Variants in SARAF observed in about 807,000 individuals in gnomAD.
SARAF encodes the protein store-operated calcium entry associated regulatory factor.
SARAF carries 23 observed loss-of-function variants against 39.7 expected under a neutral mutation model. The observed-to-expected ratio is 0.58, with a 90% CI of 0.42 to 0.82. The LOEUF is 0.82. SARAF is among the 40% of genes least tolerant of loss of function. The pLI is 0.00. For synonymous variants in SARAF, 175 were observed against 168.5 expected, an observed-to-expected ratio of 1.04 and a Z score of -0.30; for missense variants, 384 against 418.5, an observed-to-expected ratio of 0.92 and a Z score of 0.72.
Position 30,066,911 on chromosome 8 carries a change from C to T in SARAF, c.708G>A (p.Gln236=). The change falls in exon 4 of 6, where the codon CAG becomes CAA. Residue 236 remains glutamine (Q), a synonymous_variant. Coordinates refer to ENST00000256255, the MANE Select transcript of SARAF (RefSeq NM_016127.6). ...CAGAAGTTGCACCATGGCCAGTATT[C>T]TGTGGTCCTTAAAATAAAAATGATT... ...PGFKSEFTGP[Q]NTGHGATSGF... 6.2e-7 allele frequency: 1 copy of T among 1,613,822 alleles called. No homozygotes were observed. Among genetic ancestry groups the T allele is most frequent in the South Asian group, 1.1e-5 (1 of 90,972 alleles).
At chr8:30,077,694 C>CG (rs1161107378) in intron 1 of SARAF, among the ~76,000 whole-genome samples, 1 of 151,144 alleles carries the variant, frequency 6.6e-6, no homozygotes, top group African/African-American at 2.4e-5. Flanking sequence ...CCCAGCTACT[C>CG]GGGGGGCTGA....
chr8:30,070,098 A>AT (rs1260931409), intron 2 of SARAF, 39 bp from the exon 3 acceptor site: 3 of 1,531,104 alleles, frequency 2.0e-6, no homozygotes, highest in Middle Eastern at 1.8e-4. Flanking sequence ...AGAAACAAAC[A>AT]TTTTTTTCAT....
chr8:30,063,939 A>T (rs763653732), intron 5 of SARAF, 26 bp from the exon 6 acceptor site: 17 of 1,519,570 alleles, frequency 1.1e-5, no homozygotes, highest in Non-Finnish European at 1.4e-5. Flanking sequence ...TAAAATTTAC[A>T]TTAGTTTTTA....
chr8:30,068,065 A>C (rs7012194), intron 3 of SARAF, among the ~76,000 whole-genome samples: 1 of 152,058 alleles, frequency 6.6e-6, no homozygotes, highest in Non-Finnish European at 1.5e-5. Context: ...TGCATTTCTC[A>C]GGAGACTAAT....
intron 5 of SARAF, among the ~76,000 whole-genome samples, chr8:30,064,873 A>G (rs979590318): frequency 6.6e-6 from 1 of 151,756 alleles, no homozygotes; most frequent in Non-Finnish European, 1.5e-5. Context: ...TTACCTAGTC[A>G]TATTTTTATA....
chr8:30,078,152 A>AAAGAAAGAAAGAAAAAAG, intron 1 of SARAF: 1 of 314,670 alleles, frequency 3.2e-6, no homozygotes, highest in South Asian at 2.2e-5. Context: ...AAAAAAAAAA[A>AAAGAAAGAAAGAAAAAAG]AGAAAGAAAG....
rs774771625 is a variant in SARAF at position 30,069,667 on chromosome 8, G to T, written c.675C>A (p.Pro225=). The change falls in exon 3 of 6, where the codon CCC becomes CCA. Residue 225 remains proline, a synonymous_variant. Transcript: ENST00000256255. ...QRFTNSAGPP[P]PGFKSEFTGP... ...CTGTGAACTCAGACTTAAAGCCTGG[G>T]GGAGGAGGTCCTGCTGAGTTGGTGA... 1.2e-6 allele frequency: 2 copies of T among 1,613,998 alleles called. No homozygotes were observed. The highest frequency in any genetic ancestry group is 4.5e-5 in the East Asian group (2 of 44,880).
At chr8:30,064,028 A>G (rs2117416081) in intron 5 of SARAF, 115 bp from the exon 6 acceptor site, 7 of 939,210 alleles carry the variant, frequency 7.5e-6, no homozygotes, top group Admixed American at 2.2e-5. Flanking sequence ...GGAGGAAAGG[A>G]AAGAGTGTGC....
chr8:30,082,736 C>G (rs1255588170), intron 1 of SARAF, 111 bp downstream of exon 1: 12 of 792,976 alleles, frequency 1.5e-5, no homozygotes, highest in African/African-American at 1.9e-5. Context: ...ATGGGGAATC[C>G]GGGCACCCAG....
chr8:30,063,859 C>T lies in SARAF; in HGVS notation c.*29G>A. ...AGTGATGAAAAATCCAAAATTTCTG[C>T]ATCCAGTGTTTGACTCCAACTTTCT... On this transcript the variant is annotated 3_prime_UTR_variant, in exon 6 of 6. Coordinates refer to ENST00000256255, the MANE Select transcript of SARAF (RefSeq NM_016127.6). The T allele has an allele frequency of 1.9e-6, 3 of 1,609,074 alleles. No homozygotes were observed. The highest frequency in any genetic ancestry group is 2.6e-6 in the Non-Finnish European group (3 of 1,175,676).
intron 5 of SARAF, chr8:30,065,639 T>C (rs551083060): frequency 1.4e-4 from 31 of 222,072 alleles, no homozygotes; most frequent in Middle Eastern, 1.9e-3. Context: ...TACCTCAATA[T>C]CTTTTTTGAA....
intron 1 of SARAF, among the ~76,000 whole-genome samples, chr8:30,078,011 G>A (rs1438674806): frequency 6.6e-6 from 1 of 150,712 alleles, no homozygotes; most frequent in African/African-American, 2.4e-5. Context: ...ATGGTGGCGG[G>A]CACCTGTAAT....
chr8:30,070,470 A>G (rs1801813697), intron 2 of SARAF, among the ~76,000 whole-genome samples: 1 of 152,232 alleles, frequency 6.6e-6, no homozygotes, highest in African/African-American at 2.4e-5. Flanking sequence ...AAGCAAGGGA[A>G]TGATCCGCAA....
rs773085613 is a variant in SARAF at position 30,063,795 on chromosome 8, C to A, written c.*93G>T. ...ACAGAACTTTTGAATATCCCCTTTTCCCAATTGTTAACAGGTAGTACTTTT... is the reference window on the plus strand; with the variant it reads ...ACAGAACTTTTGAATATCCCCTTTTACCAATTGTTAACAGGTAGTACTTTT... On this transcript the variant is annotated 3_prime_UTR_variant, in exon 6 of 6. Coordinates refer to ENST00000256255, the MANE Select transcript of SARAF (RefSeq NM_016127.6). 9.2e-7 allele frequency: 1 copy of A among 1,088,198 alleles called. No homozygotes were observed. The highest frequency in any genetic ancestry group is 1.4e-6 in the Non-Finnish European group (1 of 704,118). 67.4% of individuals were successfully genotyped at this position (1,088,198 alleles called of 1,614,324 possible). A position where few individuals can be genotyped will look rare whatever the true frequency, so the allele number is the denominator to read the frequency against.
At chr8:30,074,091 G>C (rs1801905479) in intron 1 of SARAF, 36 bp from the exon 2 acceptor site, 1 of 1,591,660 alleles carries the variant, frequency 6.3e-7, no homozygotes, top group South Asian at 1.1e-5. Context: ...CACAAAGTAA[G>C]TATCGTGTCA....
chr8:30,070,078 A>T lies in SARAF; in HGVS notation c.283-19T>A, dbSNP rs926259595. ...ATTCCCACTGTGAAGAAAAATAGAA[A>T]CAGACTATTAGAAACAAACATTTTT... On this transcript the variant is annotated intron_variant, in intron 2 of 5. Transcript: ENST00000256255. 1 of 1,510,664 alleles carries T rather than the reference A, an allele frequency of 6.6e-7. No homozygotes were observed. 93.6% of individuals were successfully genotyped at this position (1,510,664 alleles called of 1,614,324 possible). A position where few individuals can be genotyped will look rare whatever the true frequency, so the allele number is the denominator to read the frequency against.
chr8:30,083,028 C>T lies in SARAF; in HGVS notation c.-79G>A, dbSNP rs1802147446. The T allele has an allele frequency of 1.8e-6, 2 of 1,082,360 alleles. No homozygotes were observed. The highest frequency in any genetic ancestry group is 5.5e-5 in the Admixed American group (2 of 36,336). The allele number at this position is 1,082,360 out of a possible 1,614,324, so 67.0% of individuals were successfully genotyped here. A position where few individuals can be genotyped will look rare whatever the true frequency, so the allele number is the denominator to read the frequency against. On this transcript the variant is annotated 5_prime_UTR_variant, in exon 1 of 6. Transcript: ENST00000256255. ...GTGCGGTAGCGCGCGCGACGCTGCG[C>T]AGCTACACCGCTACCCCTGGCGGCG...
intron 5 of SARAF, among the ~76,000 whole-genome samples, chr8:30,064,553 A>ATTTTTTTTT (rs1213352789): frequency 1.7e-4 from 8 of 47,672 alleles, no homozygotes; most frequent in Non-Finnish European, 2.4e-4. Context: ...ATATATATAT[A>ATTTTTTTTT]TATATATATT....
In SARAF at chr8:30,073,793, C is replaced by T. The variant is rs1262791349; in HGVS notation, c.282+84G>A. ...TGATCTGAGATTTCCGTAGGTGCAC[C>T]CTCAAAAGACTGAATAATGTCCCAA... On this transcript the variant is annotated intron_variant, in intron 2 of 5. Transcript: ENST00000256255. 4.9e-6 allele frequency: 6 copies of T among 1,236,120 alleles called. No individual in the cohort carries two copies. The East Asian group carries it at 1.5e-4, about 31-fold the overall frequency. The allele number at this position is 1,236,120 out of a possible 1,614,324, so 76.6% of individuals were successfully genotyped here.
Sources: gnomAD v4.1 joint callset for allele counts (sites outside exome capture counted in the v4.1 genomes callset) on GRCh38, gnomAD v4.1.1 for gene constraint, MANE v1.5 for transcripts, NCBI Gene and HGNC (gene_info 2026-07-23, HGNC 2026-07-21) for gene names.